Variants in PDE4D observed in about 807,000 individuals in gnomAD.
PDE4D encodes 3',5'-cyclic-AMP phosphodiesterase 4D.
Under a neutral mutation model 87.4 loss-of-function variants are expected in PDE4D, and 24 were observed. That is an observed-to-expected ratio of 0.27 (90% CI 0.20 to 0.39). The LOEUF is 0.39. PDE4D is among the 10% of genes least tolerant of loss of function. The pLI, the probability that PDE4D is intolerant of heterozygous loss-of-function variation, is 1.00. For synonymous variants in PDE4D, 384 were observed against 383.2 expected, an observed-to-expected ratio of 1.00 and a Z score of -0.02; for missense variants, 714 against 1,041.0, an observed-to-expected ratio of 0.69 and a Z score of 4.32.
At chr5:59,031,707 CAAAAAAA>C (rs70973183) in intron 6 of PDE4D, among the ~76,000 whole-genome samples, 1 of 16,686 alleles carries the variant, frequency 6.0e-5, no homozygotes, top group African/African-American at 2.7e-4. Context: ...GACTCCACCT[CAAAAAAA>C]AAAAAAAAAA....
intron 1 of PDE4D, among the ~76,000 whole-genome samples, chr5:59,554,704 C>T (rs1411394022): frequency 3.9e-5 from 6 of 152,056 alleles, no homozygotes; most frequent in African/African-American, 1.4e-4. Context: ...GAAAGTTAAC[C>T]ATGAAACGAC....
rs974751965 is a variant in PDE4D at position 59,697,414 on chromosome 5, G to A, written c.455+195754C>T. On this transcript the variant is annotated intron_variant, in intron 1 of 14. Coordinates refer to ENST00000340635, the MANE Select transcript of PDE4D (RefSeq NM_001104631.2). ...AGGAAGGAGAACCTGAGACCTGAAGGGCAAGTGTGTGGGGGTGGGAGTGGA... is the reference window on the plus strand; with the variant it reads ...AGGAAGGAGAACCTGAGACCTGAAGAGCAAGTGTGTGGGGGTGGGAGTGGA... 3.9e-5 allele frequency among the ~76,000 whole-genome samples: 6 copies of A among 152,140 alleles called. No homozygotes were observed. In the East Asian group the frequency reaches 1.2e-3, roughly 29 times the overall value.
chr5:59,180,478 A>C (rs768061808), intron 5 of PDE4D, 117 bp downstream of exon 5: 41 of 819,782 alleles, frequency 5.0e-5, no homozygotes, highest in Non-Finnish European at 6.2e-5. Context: ...TAGAGAAGAA[A>C]GAATTTCTTT....
chr5:60,444,562 G>A (rs1468187094), intron 1 of PDE4D, among the ~76,000 whole-genome samples: 3 of 152,150 alleles, frequency 2.0e-5, no homozygotes, highest in Non-Finnish European at 2.9e-5. Context: ...AAGTTTCATA[G>A]AGGAGGAGGC....
rs748259147 is a variant in PDE4D, at chr5:58,971,263, A to G, written c.*3401T>C. The G allele has an allele frequency of 6.6e-6, 1 of 152,610 alleles. No homozygotes were observed. The highest frequency in any genetic ancestry group is 1.5e-5 in the Non-Finnish European group (1 of 68,034). 9.5% of individuals were successfully genotyped at this position (152,610 alleles called of 1,614,324 possible). On this transcript the variant is annotated 3_prime_UTR_variant, in exon 15 of 15. Transcript: ENST00000340635. ...AAATTTATATATCTTTAAGTATTTT[A>G]TAGTTTTCTTGAATCTTCCATAAAC...
intron 1 of PDE4D, among the ~76,000 whole-genome samples, chr5:59,766,734 G>A (rs541271057): frequency 6.6e-6 from 1 of 152,354 alleles, no homozygotes; most frequent in East Asian, 1.9e-4. Context: ...TTCTCCTTCA[G>A]TGCATCTCCC....
intron 1 of PDE4D, among the ~76,000 whole-genome samples, chr5:59,649,992 G>C (rs999077771): frequency 3.0e-5 from 4 of 131,940 alleles, no homozygotes; most frequent in Non-Finnish European, 4.6e-5. Flanking sequence ...TTGTGTAGAA[G>C]TAAAAGAAAA....
chr5:60,073,754 A>G (rs1458979243), intron 2 of PDE4D, among the ~76,000 whole-genome samples: 1 of 152,056 alleles, frequency 6.6e-6, no homozygotes, highest in Non-Finnish European at 1.5e-5. Flanking sequence ...TCAGTCTGAG[A>G]GAGTGTATAT....
chr5:59,996,033 G>C (rs1263793570), intron 2 of PDE4D, among the ~76,000 whole-genome samples: 2 of 151,964 alleles, frequency 1.3e-5, no homozygotes, highest in African/African-American at 4.8e-5. Context: ...CACATAATAG[G>C]GAATTTCTAT....
chr5:59,653,208 A>ATTTTTTTTTT (rs555841091), intron 1 of PDE4D, among the ~76,000 whole-genome samples: 3 of 125,728 alleles, frequency 2.4e-5, no homozygotes, highest in Non-Finnish European at 4.8e-5. Context: ...AAAAAAAAAA[A>ATTTTTTTTTT]TTTTTTTTTT....
At chr5:60,133,056 A>G (rs981374511) in intron 2 of PDE4D, among the ~76,000 whole-genome samples, 2 of 152,150 alleles carry the variant, frequency 1.3e-5, no homozygotes, top group Non-Finnish European at 2.9e-5. Context: ...GCTAAATAAT[A>G]AAAGCTCATG....
chr5:60,378,881 A>AAG (rs368224897), intron 1 of PDE4D, among the ~76,000 whole-genome samples: 6 of 151,030 alleles, frequency 4.0e-5, no homozygotes, highest in Non-Finnish European at 8.9e-5. Flanking sequence ...GAAAGAAAGA[A>AAG]AGAGAGAGAG....
chr5:59,411,591 G>T (rs146700543), intron 1 of PDE4D, among the ~76,000 whole-genome samples: 1 of 152,140 alleles, frequency 6.6e-6, no homozygotes, highest in African/African-American at 2.4e-5. Flanking sequence ...TGTTTACATG[G>T]TTGTCTCTGT....
At chr5:59,830,365 T>C (rs1470247820) in intron 1 of PDE4D, among the ~76,000 whole-genome samples, 1 of 152,066 alleles carries the variant, frequency 6.6e-6, no homozygotes, top group African/African-American at 2.4e-5. Flanking sequence ...AACATAAAAC[T>C]CAAAAGGCTG....
intron 1 of PDE4D, among the ~76,000 whole-genome samples, chr5:59,655,078 T>C (rs1186768369): frequency 2.6e-5 from 4 of 152,132 alleles, no homozygotes; most frequent in African/African-American, 9.7e-5. Context: ...CTGGATCATA[T>C]AACTCTGTGT....
intron 1 of PDE4D, among the ~76,000 whole-genome samples, chr5:60,187,442 CA>C (rs1434046641): frequency 4.6e-5 from 7 of 152,102 alleles, no homozygotes; most frequent in African/African-American, 1.7e-4. Context: ...CATATATTAT[CA>C]GAGAAAAACT....
At chr5:60,062,132 G>T (rs1771476626) in intron 2 of PDE4D, among the ~76,000 whole-genome samples, 1 of 152,078 alleles carries the variant, frequency 6.6e-6, no homozygotes, top group Admixed American at 6.6e-5. Context: ...GCAATCTACA[G>T]AATGGGAGAA....
At position 59,224,307 on chromosome 5, in the gene PDE4D, C is replaced by CAA. The variant is rs1753255784; in HGVS notation, c.456-8340_456-8339insTT. The stretch of plus-strand genomic sequence containing the variant: ...ACACACACACATACACACACACACA[C>CAA]ACACACACACACACACACACACTGG... On this transcript the variant is annotated intron_variant, in intron 1 of 14. Coordinates refer to ENST00000340635, the MANE Select transcript of PDE4D (RefSeq NM_001104631.2). 4.6e-5 allele frequency among the ~76,000 whole-genome samples: 7 copies of CAA among 151,244 alleles called. No individual in the cohort carries two copies. In the South Asian group the frequency reaches 1.5e-3, roughly 32 times the overall value.
chr5:59,289,172 A>C (rs932752995), intron 1 of PDE4D, among the ~76,000 whole-genome samples: 4 of 152,084 alleles, frequency 2.6e-5, no homozygotes, highest in Non-Finnish European at 2.9e-5. Flanking sequence ...TAAGATATAA[A>C]GACAACAGAA....
Sources: gnomAD v4.1 joint callset for allele counts (sites outside exome capture counted in the v4.1 genomes callset) on GRCh38, gnomAD v4.1.1 for gene constraint, MANE v1.5 for transcripts, NCBI Gene and HGNC (gene_info 2026-07-23, HGNC 2026-07-21) for gene names.